CHAF1A: variants seen among roughly 807,000 people sequenced by gnomAD.
The protein encoded by CHAF1A is chromatin assembly factor 1 subunit A.
In CHAF1A, 5 loss-of-function variants were observed where a neutral mutation model predicts 93.2. The ratio of observed to expected loss-of-function variants is 0.05; its 90% CI spans 0.03 to 0.11. The LOEUF (loss-of-function observed/expected upper bound fraction) is 0.11, where lower values mean the gene tolerates loss of function less well. CHAF1A is among the 10% of genes least tolerant of loss of function. The pLI, the probability that CHAF1A is intolerant of heterozygous loss-of-function variation, is 1.00. For synonymous variants in CHAF1A, 504 were observed against 510.3 expected (o/e 0.99, Z 0.17); for missense variants, 1,102 against 1,259.9 (o/e 0.87, Z 1.90).
At chr19:4,407,025 C>T (rs1480440302) in intron 2 of CHAF1A, among the ~76,000 whole-genome samples, 1 of 152,044 alleles carries the variant, frequency 6.6e-6, no homozygotes, top group African/African-American at 2.4e-5. Flanking sequence ...AGTTTGAAAC[C>T]AGCCTGGCCA....
At chr19:4,447,348 G>T, downstream of CHAF1A, 1 of 604,254 alleles carries the variant, frequency 1.7e-6, no homozygotes, top group South Asian at 1.9e-5. Flanking sequence ...AGAATTTGTT[G>T]ATTTGGGGTG....
rs1488186037 is a variant in CHAF1A, at chr19:4,422,905, G to A, written c.1247+110G>A. The A allele has an allele frequency of 5.8e-6, 6 of 1,035,886 alleles. No homozygotes were observed. The East Asian group carries it at 1.5e-4, about 26-fold the overall frequency. The allele number at this position is 1,035,886 out of a possible 1,614,324, so 64.2% of individuals were successfully genotyped here. ...CACAGGCAGATGGCGGCTCCCTTCA[G>A]TTCCTTCCCATTTCTCCTTCGTGAG... On this transcript the variant is annotated intron_variant, in intron 5 of 14. Coordinates refer to ENST00000301280, the MANE Select transcript of CHAF1A (RefSeq NM_005483.3). This position sits in a 1 kb window ranked among gnomAD's most constrained non-coding sequence, Gnocchi z 4.6.
downstream of CHAF1A, chr19:4,448,178 G>A (rs1974577874): frequency 1.4e-6 from 1 of 733,882 alleles, no homozygotes. Context: ...TCTGGGTGGA[G>A]CTGCCTCACT....
Position 4,409,555 on chromosome 19 carries a change from A to C in CHAF1A, c.756A>C (p.Gln252His). 6.2e-7 allele frequency: 1 copy of C among 1,614,062 alleles called. No homozygotes were observed. The highest frequency in any genetic ancestry group is 8.5e-7 in the Non-Finnish European group (1 of 1,179,986). Residue 252 changes from glutamine (Q) to histidine (H), a missense_variant, in exon 3 of 15, where the codon CAA becomes CAC. Physicochemically the swap from Gln to His is conservative, Grantham distance 24 (BLOSUM62 0). Around this residue, in one of 6 missense-constraint regions of CHAF1A, gnomAD observed 379 missense variants for 365.7 expected, o/e 1.04. Coordinates refer to ENST00000301280, the MANE Select transcript of CHAF1A (RefSeq NM_005483.3). The part of the protein sequence containing the change: ...LQDILAVRPP[Q>H]IKSLPATPQG... ...ACATCTTGGCTGTGAGACCACCGCA[A>C]ATCAAGTCCCTTCCAGCCACACCCC...
chr19:4,443,573 G>A (rs997647066), downstream of CHAF1A, among the ~76,000 whole-genome samples: 1 of 152,154 alleles, frequency 6.6e-6, no homozygotes, highest in African/African-American at 2.4e-5. Context: ...GTCAAGGTGC[G>A]GGTTTTTCCG....
At chr19:4,446,567 G>T (rs147606668), downstream of CHAF1A, 137 of 1,612,550 alleles carry the variant, frequency 8.5e-5, 1 homozygote, top group Middle Eastern at 1.3e-3. Context: ...AGTTCGAACT[G>T]CGAGGCCAGG....
downstream of CHAF1A, chr19:4,448,593 C>T (rs949861415): frequency 9.7e-6 from 6 of 615,824 alleles, no homozygotes; most frequent in Non-Finnish European, 1.7e-5. Flanking sequence ...CCTGCCCACG[C>T]CCCAGGGCAG....
At chr19:4,430,493 A>G in intron 10 of CHAF1A, 56 bp from the exon 11 acceptor site, 2 of 1,244,792 alleles carry the variant, frequency 1.6e-6, no homozygotes, top group South Asian at 1.2e-5. Context: ...TGTTTTTAAT[A>G]AGGCACACAC....
intron 13 of CHAF1A, among the ~76,000 whole-genome samples, chr19:4,439,855 C>T (rs879451525): frequency 1.3e-5 from 2 of 152,180 alleles, no homozygotes; most frequent in Non-Finnish European, 2.9e-5. Context: ...GTGCAGTTAC[C>T]TGTGATTGCA....
Position 4,404,693 on chromosome 19 carries a change from C to T in CHAF1A, c.53-1219C>T, listed in dbSNP as rs564581777. On this transcript the variant is annotated intron_variant, in intron 1 of 14. Coordinates refer to ENST00000301280, the MANE Select transcript of CHAF1A (RefSeq NM_005483.3). ...TCACTTTTATGTAATGCTTACAAAA[C>T]ATACGTAGATTAACCAAAATAACTA... 2.0e-5 allele frequency among the ~76,000 whole-genome samples: 3 copies of T among 152,272 alleles called. No individual in the cohort carries two copies. The South Asian group carries it at 6.2e-4, about 32-fold the overall frequency.
chr19:4,446,845 G>A (rs746389889), downstream of CHAF1A: 2 of 1,614,068 alleles, frequency 1.2e-6, no homozygotes, highest in Admixed American at 3.3e-5. Flanking sequence ...CCCTGATCCT[G>A]GGCGGGAAGC....
At position 4,402,694 on chromosome 19, in the gene CHAF1A, G is replaced by T; in HGVS notation, c.-69G>T. On this transcript the variant is annotated 5_prime_UTR_variant, in exon 1 of 15. Transcript: ENST00000301280. The stretch of plus-strand genomic sequence containing the variant: ...GCAGCGGCGCGGGCGGGAGGGCGAA[G>T]AGCAGCGGCCGCCTGAGGGGAGCCC... The T allele has an allele frequency of 9.6e-7, 1 of 1,038,516 alleles. No homozygotes were observed. The highest frequency in any genetic ancestry group is 1.2e-6 in the Non-Finnish European group (1 of 822,738). 64.3% of individuals were successfully genotyped at this position (1,038,516 alleles called of 1,614,324 possible).
chr19:4,437,453 A>G (rs11666856), intron 13 of CHAF1A, among the ~76,000 whole-genome samples: 31,591 of 152,000 alleles, frequency 0.21, 3,688 homozygotes, highest in Admixed American at 0.28. Flanking sequence ...GGCGCAAGTG[A>G]TCCTCCTGCC....
Position 4,415,045 on chromosome 19 carries a change from C to G in CHAF1A, c.961-2975C>G, listed in dbSNP as rs114108295. On this transcript the variant is annotated intron_variant, in intron 3 of 14. Coordinates refer to ENST00000301280, the MANE Select transcript of CHAF1A (RefSeq NM_005483.3). The stretch of plus-strand genomic sequence containing the variant: ...CATGCCCACACATAGTGAGCTCTGT[C>G]GCGACTCCTTGGGATTGTCGGTTTT... Among the ~76,000 whole-genome samples, 1,335 of 152,132 alleles carry G rather than the reference C, an allele frequency of 8.8e-3. 22 individuals carry two copies. Among genetic ancestry groups the G allele is most frequent in the African/African-American group, 0.03 (1,260 of 41,482 alleles).
rs768732589 is a variant in CHAF1A at position 4,402,659 on chromosome 19, C to T, written c.-104C>T. The T allele has an allele frequency of 2.0e-6, 1 of 492,110 alleles. No homozygotes were observed. The highest frequency in any genetic ancestry group is 2.9e-6 in the Non-Finnish European group (1 of 344,514). The allele number at this position is 492,110 out of a possible 1,614,324, so 30.5% of individuals were successfully genotyped here. On this transcript the variant is annotated 5_prime_UTR_variant, in exon 1 of 15. Coordinates refer to ENST00000301280, the MANE Select transcript of CHAF1A (RefSeq NM_005483.3). ...TCCCGCCAAATACGAGCGCGGCGGCCGCGGCGGCAGCAGCGGCGCGGGCGG... is the reference window on the plus strand; with the variant it reads ...TCCCGCCAAATACGAGCGCGGCGGCTGCGGCGGCAGCAGCGGCGCGGGCGG...
intron 11 of CHAF1A, 127 bp from the exon 12 acceptor site, chr19:4,431,825 G>C: frequency 8.3e-7 from 1 of 1,206,010 alleles, no homozygotes; most frequent in South Asian, 1.5e-5. Context: ...CCCTGACACT[G>C]TGGGAAGTTT....
downstream of CHAF1A, chr19:4,445,764 C>T (rs1974497414): frequency 7.4e-7 from 1 of 1,349,470 alleles, no homozygotes; most frequent in Non-Finnish European, 9.9e-7. Context: ...GCACCCAGGC[C>T]TCCTGCCCTC....
chr19:4,407,776 TG>T (rs1973706900), intron 2 of CHAF1A, among the ~76,000 whole-genome samples: 1 of 151,922 alleles, frequency 6.6e-6, no homozygotes, highest in Non-Finnish European at 1.5e-5. Context: ...GGCGAAACCC[TG>T]TCTCTACTAA....
At chr19:4,406,158 T>C (rs1236239554) in intron 2 of CHAF1A, among the ~76,000 whole-genome samples, 196 bp downstream of exon 2, 3 of 152,226 alleles carry the variant, frequency 2.0e-5, no homozygotes, top group Non-Finnish European at 4.4e-5. Flanking sequence ...CCTCCACTTA[T>C]GCACGATTGG....
Sources: allele counts gnomAD v4.1 joint callset (sites outside exome capture counted in the v4.1 genomes callset), GRCh38; gene constraint gnomAD v4.1.1; regional missense constraint gnomAD v4.1.1; non-coding constraint Gnocchi (gnomAD v3.1); transcripts MANE v1.5; gene names NCBI Gene and HGNC (gene_info 2026-07-23, HGNC 2026-07-21).